ADSS2: variants seen among roughly 807,000 people sequenced by gnomAD.
ADSS2 encodes the protein adenylosuccinate synthetase isozyme 2.
Under a neutral mutation model 60.0 loss-of-function variants are expected in ADSS2, and 30 were observed. The observed-to-expected ratio is 0.50, with a 90% confidence interval of 0.37 to 0.68. ADSS2 has a LOEUF of 0.68. ADSS2 is among the 30% of genes least tolerant of loss of function. The pLI is 0.00. For missense variants in ADSS2, 373 were observed against 554.8 expected (o/e 0.67, Z 3.29); for synonymous variants, 187 against 193.1 (o/e 0.97, Z 0.26).
intron 1 of ADSS2, among the ~76,000 whole-genome samples, chr1:244,438,123 A>C (rs903645914): frequency 2.0e-5 from 3 of 152,200 alleles, no homozygotes; most frequent in African/African-American, 7.2e-5. Flanking sequence ...ATGATATTCC[A>C]TCTACACACA....
intron 2 of ADSS2, among the ~76,000 whole-genome samples, chr1:244,437,277 GATCAGATTGC>G (rs374605518): frequency 1.1e-4 from 16 of 152,206 alleles, no homozygotes; most frequent in Admixed American, 2.0e-4. Context: ...GAGTAGAAAA[GATCAGATTGC>G]ATCATTTATT....
chr1:244,424,485 C>T (rs1206631430), intron 4 of ADSS2, 98 bp from the exon 5 acceptor site: 15 of 931,210 alleles, frequency 1.6e-5, no homozygotes, highest in Non-Finnish European at 2.4e-5. Context: ...TCCCTTCAGC[C>T]TCATTTCAGT....
intron 1 of ADSS2, among the ~76,000 whole-genome samples, chr1:244,450,523 G>T (rs1665526249): frequency 6.6e-6 from 1 of 152,166 alleles, no homozygotes; most frequent in Non-Finnish European, 1.5e-5. Context: ...ATTCAAGGGG[G>T]CCTATAACTT....
intron 4 of ADSS2, among the ~76,000 whole-genome samples, chr1:244,430,648 G>C (rs1350897649): frequency 6.6e-6 from 1 of 151,988 alleles, no homozygotes; most frequent in Non-Finnish European, 1.5e-5. Flanking sequence ...TCCACAACAG[G>C]AACAATGGAT....
chr1:244,427,321 C>G (rs890816823), intron 4 of ADSS2, among the ~76,000 whole-genome samples: 3 of 152,030 alleles, frequency 2.0e-5, no homozygotes, highest in Non-Finnish European at 1.5e-5. Context: ...GCCCCTAGAG[C>G]AACTACCAAA....
chr1:244,415,994 T>A lies in ADSS2; in HGVS notation c.1155A>T (p.Ile385=). The A allele has an allele frequency of 6.2e-7, 1 of 1,610,394 alleles. No individual in the cohort carries two copies. The change falls in exon 11 of 13, where the codon ATA becomes ATT. Residue 385 remains isoleucine, a synonymous_variant. Coordinates refer to ENST00000366535, the MANE Select transcript of ADSS2 (RefSeq NM_001126.5). ...AAAAGAAAATACCTGGGATATGAGG[T>A]ATGATTTCACCATCTAACTTGTAAG... The part of the protein sequence containing the change: ...GVAYKLDGEI[I]PHIPANQEVL...
chr1:244,417,260 G>C (rs1213744198), intron 10 of ADSS2, among the ~76,000 whole-genome samples: 1 of 152,148 alleles, frequency 6.6e-6, no homozygotes, highest in Non-Finnish European at 1.5e-5. Flanking sequence ...CTGAATCCAG[G>C]AACTCAGACA....
intron 7 of ADSS2, 66 bp from the exon 8 acceptor site, chr1:244,420,362 A>G: frequency 1.4e-6 from 2 of 1,401,424 alleles, no homozygotes; most frequent in South Asian, 1.4e-5. Context: ...CCAGAACAAG[A>G]ATAAATTACC....
chr1:244,443,336 C>T (rs1321654495), intron 1 of ADSS2, among the ~76,000 whole-genome samples: 3 of 152,146 alleles, frequency 2.0e-5, no homozygotes, highest in Non-Finnish European at 4.4e-5. Flanking sequence ...ACTTATGATC[C>T]CAGTCACTCT....
At chr1:244,430,316 C>T (rs1253101386) in intron 4 of ADSS2, among the ~76,000 whole-genome samples, 2 of 151,890 alleles carry the variant, frequency 1.3e-5, no homozygotes, top group African/African-American at 4.8e-5. Context: ...AGTGACAGAC[C>T]CAAAGCAATT....
At chr1:244,434,390 C>G (rs552896002) in intron 3 of ADSS2, among the ~76,000 whole-genome samples, 2 of 151,562 alleles carry the variant, frequency 1.3e-5, no homozygotes, top group East Asian at 3.9e-4. Flanking sequence ...ACAAATGAAC[C>G]CAAATCGATG....
At chr1:244,437,101 A>C (rs1665122776) in intron 2 of ADSS2, among the ~76,000 whole-genome samples, 1 of 152,216 alleles carries the variant, frequency 6.6e-6, no homozygotes, top group South Asian at 2.1e-4. Flanking sequence ...CTTGAAAACA[A>C]AGTGAAATAT....
chr1:244,446,547 C>T (rs1665388859), intron 1 of ADSS2, among the ~76,000 whole-genome samples: 1 of 152,194 alleles, frequency 6.6e-6, no homozygotes, highest in South Asian at 2.1e-4. Context: ...TTCATACACA[C>T]ATAAATGTCA....
intron 3 of ADSS2, among the ~76,000 whole-genome samples, chr1:244,435,778 G>C (rs1303738690): frequency 6.6e-6 from 1 of 152,160 alleles, no homozygotes; most frequent in African/African-American, 2.4e-5. Context: ...GTACTTAACA[G>C]TCAAAAATAT....
chr1:244,429,352 T>C (rs778245435), intron 4 of ADSS2, among the ~76,000 whole-genome samples: 2 of 152,204 alleles, frequency 1.3e-5, no homozygotes, highest in African/African-American at 4.8e-5. Flanking sequence ...TGGAAATAAA[T>C]GAACATTCTG....
At position 244,410,887 on chromosome 1, in the gene ADSS2, G is replaced by C. The variant is rs73128101; in HGVS notation, c.1318+400C>G. 5.3e-3 allele frequency among the ~76,000 whole-genome samples: 809 copies of C among 152,262 alleles called. 13 individuals are homozygous for C. The highest frequency in any genetic ancestry group is 0.018 in the African/African-American group (729 of 41,532). ...CATGTGCACTCTGTAAAGTAACAAT[G>C]ATCTTTCCTTTATTCTATTTCAAAG... On this transcript the variant is annotated intron_variant, in intron 12 of 12. Coordinates refer to ENST00000366535, the MANE Select transcript of ADSS2 (RefSeq NM_001126.5).
intron 3 of ADSS2, among the ~76,000 whole-genome samples, chr1:244,433,725 T>C (rs1272496694): frequency 6.6e-6 from 1 of 151,910 alleles, no homozygotes; most frequent in Non-Finnish European, 1.5e-5. Context: ...GGGTACGTGA[T>C]GGCGGGCGCC....
intron 4 of ADSS2, among the ~76,000 whole-genome samples, chr1:244,429,644 C>T (rs1664886766): frequency 6.6e-6 from 1 of 152,118 alleles, no homozygotes; most frequent in African/African-American, 2.4e-5. Context: ...AATTGGGAGG[C>T]CAGGTCAGGT....
chr1:244,442,466 CATTG>C (rs752666876), intron 1 of ADSS2, among the ~76,000 whole-genome samples: 4 of 152,110 alleles, frequency 2.6e-5, no homozygotes, highest in South Asian at 2.1e-4. Context: ...ACCAGTATTA[CATTG>C]ATTATTATAT....
Sources: allele counts gnomAD v4.1 joint callset (sites outside exome capture counted in the v4.1 genomes callset), GRCh38; gene constraint gnomAD v4.1.1; transcripts MANE v1.5; gene names NCBI Gene and HGNC (gene_info 2026-07-23, HGNC 2026-07-21).